RBFOX1: variants seen among roughly 807,000 people sequenced by gnomAD.
RBFOX1 encodes the protein RNA binding fox-1 homolog 1.
RBFOX1 carries 8 observed loss-of-function variants against 57.7 expected under a neutral mutation model. The ratio of observed to expected loss-of-function variants is 0.14; its 90% CI spans 0.08 to 0.25. RBFOX1 has a LOEUF of 0.25. RBFOX1 is among the 10% of genes least tolerant of loss of function. RBFOX1 has a pLI of 1.00. For missense variants in RBFOX1, 611 were observed against 548.5 expected (o/e 1.11, Z -1.14); for synonymous variants, 326 against 222.4 (o/e 1.47, Z -4.15).
rs80134538 is a variant in RBFOX1 at position 7,045,411 on chromosome 16, C to T, written c.-15-6646C>T. On this transcript the variant is annotated intron_variant, in intron 3 of 15. Coordinates refer to ENST00000550418, the MANE Select transcript of RBFOX1 (RefSeq NM_018723.4). ...TACTTGAAATATCCTTTTTCTTATT[C>T]CCAAATCTCATTTTCCTTATTTGGC... Among the ~76,000 whole-genome samples the T allele has an allele frequency of 3.5e-3, 530 of 152,192 alleles. 4 individuals carry two copies. The highest frequency in any genetic ancestry group is 5.4e-3 in the Non-Finnish European group (368 of 67,996).
chr16:7,200,226 G>C (rs921137723), intron 4 of RBFOX1, among the ~76,000 whole-genome samples: 2 of 152,296 alleles, frequency 1.3e-5, no homozygotes, highest in South Asian at 4.1e-4. Flanking sequence ...GACTGTCCTT[G>C]TAGATGGTAA....
chr16:5,756,724 T>C (rs1449716338), intron 3 of RBFOX1, among the ~76,000 whole-genome samples: 3 of 152,160 alleles, frequency 2.0e-5, no homozygotes, highest in African/African-American at 7.2e-5. Context: ...GGCTTATACC[T>C]AATTCTTTGA....
chr16:6,896,921 GAAAGAAAGC>G (rs2067072374), intron 3 of RBFOX1, among the ~76,000 whole-genome samples: 1 of 152,124 alleles, frequency 6.6e-6, no homozygotes. Flanking sequence ...TGCATTTGGT[GAAAGAAAGC>G]AAAGAAACTC....
At chr16:6,347,013 A>T (rs894732550) in intron 2 of RBFOX1, among the ~76,000 whole-genome samples, 2 of 152,168 alleles carry the variant, frequency 1.3e-5, no homozygotes, top group Non-Finnish European at 2.9e-5. Context: ...TTGAATAAAG[A>T]TCATGATATT....
chr16:6,803,226 C>T (rs935509319), intron 3 of RBFOX1, among the ~76,000 whole-genome samples: 1 of 152,066 alleles, frequency 6.6e-6, no homozygotes, highest in Non-Finnish European at 1.5e-5. Context: ...ACCCTCATTG[C>T]CTATGACATT....
At chr16:5,323,767 G>A (rs1424574971) in intron 1 of RBFOX1, among the ~76,000 whole-genome samples, 3 of 152,330 alleles carry the variant, frequency 2.0e-5, no homozygotes, top group African/African-American at 4.8e-5. Context: ...AGCTGTGACG[G>A]TTGGCCTTAC....
At chr16:7,388,834 A>G (rs60735342) in intron 4 of RBFOX1, among the ~76,000 whole-genome samples, 12,349 of 152,020 alleles carry the variant, frequency 0.081, 544 homozygotes, top group East Asian at 0.2. Flanking sequence ...GGTAGAGAAG[A>G]CAAAGCTATG....
At chr16:6,475,080 A>G (rs1196397409) in intron 2 of RBFOX1, among the ~76,000 whole-genome samples, 1 of 152,234 alleles carries the variant, frequency 6.6e-6, no homozygotes, top group African/African-American at 2.4e-5. Context: ...TTAGTTCTAT[A>G]TGCAGTAGAA....
At chr16:6,370,705 T>G (rs1438618135) in intron 2 of RBFOX1, among the ~76,000 whole-genome samples, 1 of 152,170 alleles carries the variant, frequency 6.6e-6, no homozygotes. Flanking sequence ...GGAGTTGATG[T>G]TTAACGGGTA....
intron 1 of RBFOX1, among the ~76,000 whole-genome samples, chr16:5,448,355 C>CA (rs139852758): frequency 0.025 from 3,805 of 151,898 alleles, 52 homozygotes; most frequent in Middle Eastern, 0.044. Flanking sequence ...GTTCCAGAGG[C>CA]AAAAAAACTG....
chr16:7,488,110 A>G (rs1177159930), intron 4 of RBFOX1, among the ~76,000 whole-genome samples: 2 of 152,132 alleles, frequency 1.3e-5, no homozygotes, highest in Admixed American at 6.6e-5. Context: ...AGCAGGCTGG[A>G]GTGCTAATCC....
intron 4 of RBFOX1, among the ~76,000 whole-genome samples, chr16:7,192,964 C>T (rs1488808303): frequency 6.6e-6 from 1 of 152,134 alleles, no homozygotes; most frequent in Non-Finnish European, 1.5e-5. Flanking sequence ...CTCTTTGTGT[C>T]GACAGACATC....
intron 2 of RBFOX1, among the ~76,000 whole-genome samples, chr16:6,547,222 C>T (rs1326943701): frequency 1.3e-5 from 2 of 152,170 alleles, no homozygotes; most frequent in South Asian, 2.1e-4. Context: ...CCTAAAGTGG[C>T]ATATAGTATC....
intron 3 of RBFOX1, among the ~76,000 whole-genome samples, chr16:6,840,536 C>A (rs1425867648): frequency 1.3e-5 from 2 of 151,990 alleles, no homozygotes; most frequent in Non-Finnish European, 2.9e-5. Flanking sequence ...AAAATGGGAT[C>A]TTTGGGAGGT....
chr16:6,436,167 C>A (rs528239625), intron 2 of RBFOX1, among the ~76,000 whole-genome samples: 2 of 152,246 alleles, frequency 1.3e-5, no homozygotes, highest in South Asian at 4.1e-4. Flanking sequence ...ATAAATGCAG[C>A]TCAATACAGT....
At chr16:6,681,383 G>C (rs996982159) in intron 3 of RBFOX1, among the ~76,000 whole-genome samples, 20 of 152,148 alleles carry the variant, frequency 1.3e-4, no homozygotes, top group African/African-American at 4.3e-4. Context: ...TGGTTAAAAA[G>C]TTTGGTATCT....
At chr16:6,001,978 T>G (rs1012691658) in intron 4 of RBFOX1, among the ~76,000 whole-genome samples, 1 of 150,560 alleles carries the variant, frequency 6.6e-6, no homozygotes, top group Admixed American at 6.6e-5. Flanking sequence ...CTTTTTTTTT[T>G]TTTTTTGAGA....
At chr16:6,738,055 C>G (rs1179347274) in intron 3 of RBFOX1, among the ~76,000 whole-genome samples, 2 of 145,486 alleles carry the variant, frequency 1.4e-5, no homozygotes, top group South Asian at 2.3e-4. Context: ...AAGGACTTGT[C>G]TCTTTTTTTT....
At chr16:7,373,954 A>G (rs929346413) in intron 4 of RBFOX1, among the ~76,000 whole-genome samples, 3 of 152,296 alleles carry the variant, frequency 2.0e-5, no homozygotes, top group Non-Finnish European at 4.4e-5. Flanking sequence ...AAACTGTATC[A>G]CTTTTGAAGC....
Sources: allele counts gnomAD v4.1 joint callset (sites outside exome capture counted in the v4.1 genomes callset), GRCh38; gene constraint gnomAD v4.1.1; transcripts MANE v1.5; gene names NCBI Gene and HGNC (gene_info 2026-07-23, HGNC 2026-07-21).